The following UBN1 variants were observed in gnomAD, a reference collection of about 807,000 sequenced individuals.
The protein encoded by UBN1 is ubinuclein 1.
UBN1 carries 17 observed loss-of-function variants against 108.5 expected under a neutral mutation model. That is an observed-to-expected ratio of 0.16 (90% CI 0.11 to 0.24). The LOEUF (loss-of-function observed/expected upper bound fraction) is 0.24. Ranked by LOEUF, UBN1 falls within the 10% of genes least tolerant of loss-of-function variation. UBN1 has a pLI of 1.00. For synonymous variants in UBN1, 726 were observed against 564.2 expected, an observed-to-expected ratio of 1.29 and a Z score of -4.07; for missense variants, 1,595 against 1,394.4, an observed-to-expected ratio of 1.14 and a Z score of -2.29.
intron 4 of UBN1, 61 bp from the exon 5 acceptor site, chr16:4,858,964 C>G (rs2086930158): frequency 6.3e-7 from 1 of 1,589,066 alleles, no homozygotes; most frequent in African/African-American, 1.4e-5. Flanking sequence ...TCGAGACCCA[C>G]TTTGCACCTT....
Position 4,859,882 on chromosome 16 carries a change from A to C in UBN1, c.585A>C (p.Glu195Asp), listed in dbSNP as rs1221076855. Reference sequence around the variant, plus strand: ...ATTCTCAGAAGCGGAAGTTGAAGGAAGGTGGTGAGAAGATAAAGAAGAAGA... The same window carrying C: ...ATTCTCAGAAGCGGAAGTTGAAGGACGGTGGTGAGAAGATAAAGAAGAAGA... ...KKSPKKRKLK[E>D]GGEKIKKKKK... The change falls in exon 6 of 18, where the codon GAA (glutamate) becomes GAC (aspartate). Residue 195 changes from glutamate to aspartate, a missense_variant. Transcript: ENST00000262376. 2 of 1,614,100 alleles carry C rather than the reference A, an allele frequency of 1.2e-6. No homozygotes were observed. Among genetic ancestry groups the C allele is most frequent in the Non-Finnish European group, 1.7e-6 (2 of 1,179,972 alleles).
chr16:4,878,687 T>G (rs557130596), intron 17 of UBN1, among the ~76,000 whole-genome samples: 10 of 152,128 alleles, frequency 6.6e-5, no homozygotes, highest in Admixed American at 3.9e-4. Context: ...CTGCCTTTGC[T>G]TACTCTCAGG....
rs761631030 is a variant in UBN1 at position 4,861,070 on chromosome 16, C to G, written c.1078C>G (p.Pro360Ala). 6.2e-7 allele frequency: 1 copy of G among 1,613,676 alleles called. No individual in the cohort carries two copies. Among genetic ancestry groups the G allele is most frequent in the African/African-American group, 1.3e-5 (1 of 74,940 alleles). Residue 360 changes from proline (P) to alanine (A), a missense_variant, in exon 7 of 18, where the codon CCC (proline) becomes GCC (alanine). Around this residue, in one of 3 missense-constraint regions of UBN1, gnomAD observed 1,398 missense variants for 1,194.7 expected, o/e 1.17. Coordinates refer to ENST00000262376, the MANE Select transcript of UBN1 (RefSeq NM_001079514.3). Reference sequence around the variant, plus strand: ...TTCTCTCCCCGAAGGCCTGCCAGCACCCCTGGAGAAGCGCGTTAAGGAGCT... The same window carrying G: ...TTCTCTCCCCGAAGGCCTGCCAGCAGCCCTGGAGAAGCGCGTTAAGGAGCT... ...PSSLPEGLPA[P>A]LEKRVKELAQ...
rs1055169199 is a variant in UBN1 at position 4,871,321 on chromosome 16, A to G, written c.1706+20A>G. 6 of 1,611,744 alleles carry G rather than the reference A, an allele frequency of 3.7e-6. No homozygotes were observed. The highest frequency in any genetic ancestry group is 4.2e-6 in the Non-Finnish European group (5 of 1,179,330). ...GGCCAGGTGAGGGCCGTGTGCTGAG[A>G]TGGGCATCTGTGCAGTCAAGACACG... On this transcript the variant is annotated intron_variant, in intron 12 of 17. Transcript: ENST00000262376.
intron 2 of UBN1, 40 bp downstream of exon 2, chr16:4,853,206 C>T (rs531773557): frequency 1.9e-6 from 3 of 1,607,636 alleles, no homozygotes; most frequent in African/African-American, 2.7e-5. Flanking sequence ...AGGTTTAACG[C>T]ACAGGGGTCA....
rs746856151 is a variant in UBN1 at position 4,853,089 on chromosome 16, C to T, written c.172C>T (p.Arg58Cys). The change falls in exon 2 of 18, where the codon CGC (arginine) becomes TGC (cysteine). Residue 58 changes from arginine (R) to cysteine (C), a missense_variant. Transcript: ENST00000262376. ...TLTLFEPDHKRCPEFFYPELV... is the reference protein window; with the variant it reads ...TLTLFEPDHKCCPEFFYPELV... ...CACCCTCTTTGAACCAGATCACAAA[C>T]GCTGCCCAGAGTTCTTCTACCCAGA... is the stretch of plus-strand genomic sequence containing the variant. 53 of 1,614,234 alleles carry T rather than the reference C, an allele frequency of 3.3e-5. No homozygotes were observed. Among genetic ancestry groups the T allele is most frequent in the Middle Eastern group, 1.6e-4 (1 of 6,062 alleles).
At chr16:4,855,431 A>G (rs2086757629) in intron 2 of UBN1, among the ~76,000 whole-genome samples, 1 of 152,044 alleles carries the variant, frequency 6.6e-6, no homozygotes, top group Admixed American at 6.5e-5. Context: ...CCTGGGCAAC[A>G]TAGTGAAACT....
In UBN1 at chr16:4,870,545, G is replaced by A. The variant is rs1386553985; in HGVS notation, c.1341G>A (p.Lys447=). Residue 447 remains lysine, a synonymous_variant, in exon 10 of 18, where the codon AAG becomes AAA. Coordinates refer to ENST00000262376, the MANE Select transcript of UBN1 (RefSeq NM_001079514.3). ...GCCGTCTGAAGGAGCCTCTCCAGAAGCTCAAGGAAGCCATTGGCAGGGCGA... is the reference window on the plus strand; with the variant it reads ...GCCGTCTGAAGGAGCCTCTCCAGAAACTCAAGGAAGCCATTGGCAGGGCGA... ...QGGRLKEPLQ[K]LKEAIGRAMP... The A allele has an allele frequency of 1.9e-6, 3 of 1,614,138 alleles. No individual in the cohort carries two copies. The Admixed American group carries it at 5.0e-5, about 27-fold the overall frequency.
chr16:4,861,573 G>A (rs544636966), intron 7 of UBN1, among the ~76,000 whole-genome samples: 1 of 152,222 alleles, frequency 6.6e-6, no homozygotes, highest in Non-Finnish European at 1.5e-5. Context: ...CCAGTGTTAG[G>A]TAGTGATTAC....
In UBN1 at chr16:4,858,680, A is replaced by G; in HGVS notation, c.432+17A>G. ...TCTGAGGCGGTAAGTAGTTACTGAA[A>G]ATGCCGTGTCAGACCCACTGTACCT... On this transcript the variant is annotated intron_variant, in intron 4 of 17. Coordinates refer to ENST00000262376, the MANE Select transcript of UBN1 (RefSeq NM_001079514.3). 1 of 1,612,860 alleles carries G rather than the reference A, an allele frequency of 6.2e-7. No homozygotes were observed. Among genetic ancestry groups the G allele is most frequent in the Non-Finnish European group, 8.5e-7 (1 of 1,178,858 alleles).
chr16:4,876,562 C>T (rs1272575326), intron 15 of UBN1, among the ~76,000 whole-genome samples: 1 of 151,440 alleles, frequency 6.6e-6, no homozygotes, highest in Non-Finnish European at 1.5e-5. Context: ...GAGTCTGGCT[C>T]TGTCACCTAG....
At position 4,861,033 on chromosome 16, in the gene UBN1, C is replaced by G. The variant is rs1403196455; in HGVS notation, c.1041C>G (p.Phe347Leu). The change falls in exon 7 of 18, where the codon TTC becomes TTG. Residue 347 changes from phenylalanine (F) to leucine (L), a missense_variant. Coordinates refer to ENST00000262376, the MANE Select transcript of UBN1 (RefSeq NM_001079514.3). ...TTGGGGTGGGATTGGACCAGGAATT[C>G]AGGCAGCCCTCTTCTCTCCCCGAAG... ...DSLGVGLDQE[F>L]RQPSSLPEGL... 2.5e-6 allele frequency: 4 copies of G among 1,614,194 alleles called. No homozygotes were observed. In the Admixed American group the frequency reaches 5.0e-5, roughly 20 times the overall value.
chr16:4,852,627 G>A (rs2086611945), intron 1 of UBN1: 1 of 244,668 alleles, frequency 4.1e-6, no homozygotes, highest in African/African-American at 2.3e-5. Flanking sequence ...GTCAGCATGG[G>A]TTCTTTAAGG....
At position 4,860,858 on chromosome 16, in the gene UBN1, T is replaced by TGCTCTCA; in HGVS notation, c.867_873dup (p.Leu292AlafsTer9). 1 of 1,614,274 alleles carries TGCTCTCA rather than the reference T, an allele frequency of 6.2e-7. No individual in the cohort carries two copies. The highest frequency in any genetic ancestry group is 8.5e-7 in the Non-Finnish European group (1 of 1,180,050). ...GAACTGGAGGGTGCCTCTGACCCCT[T>TGCTCTCA]GCTCTCACTCTTTGGCTCTACTTCT... On this transcript the variant is annotated frameshift_variant, in exon 7 of 18. Coordinates refer to ENST00000262376, the MANE Select transcript of UBN1 (RefSeq NM_001079514.3). LOFTEE classifies it high-confidence loss of function.
rs369586898 is a variant in UBN1 at position 4,874,246 on chromosome 16, C to T, written c.1836C>T (p.Val612=). ...CGAAGCCTGATAAAAAGGTTTCTGT[C>T]CCATCAGGACAGATTGGTGGCCCCA... ...SSTKPDKKVS[V]PSGQIGGPIA... Residue 612 remains valine, a synonymous_variant, in exon 15 of 18, where the codon GTC becomes GTT. Transcript: ENST00000262376. 8.7e-5 allele frequency: 136 copies of T among 1,569,582 alleles called. No individual in the cohort carries two copies. The highest frequency in any genetic ancestry group is 1.1e-4 in the Non-Finnish European group (126 of 1,158,798).
At chr16:4,852,422 T>C (rs560530701) in intron 1 of UBN1, 2 of 156,506 alleles carry the variant, frequency 1.3e-5, no homozygotes, top group East Asian at 3.8e-4. Flanking sequence ...TATCCTGGGG[T>C]AGGCAATATC....
chr16:4,869,483 G>T (rs1244314681), intron 8 of UBN1, among the ~76,000 whole-genome samples: 1 of 152,242 alleles, frequency 6.6e-6, no homozygotes, highest in Non-Finnish European at 1.5e-5. Context: ...GGCCTGGCCT[G>T]CAGTGTTGCC....
chr16:4,862,775 A>T (rs1421494717), intron 7 of UBN1, among the ~76,000 whole-genome samples: 2 of 152,246 alleles, frequency 1.3e-5, no homozygotes, highest in Admixed American at 1.3e-4. Flanking sequence ...AGAATGACAT[A>T]ACCGGAAACA....
intron 2 of UBN1, among the ~76,000 whole-genome samples, chr16:4,856,646 G>A (rs938404974): frequency 6.6e-6 from 1 of 151,508 alleles, no homozygotes; most frequent in African/African-American, 2.5e-5. Context: ...TGGACCTTCC[G>A]TCATACAGTC....
Sources: gnomAD v4.1 joint callset for allele counts (sites outside exome capture counted in the v4.1 genomes callset) on GRCh38, gnomAD v4.1.1 for gene constraint, gnomAD v4.1.1 regional missense constraint, MANE v1.5 for transcripts, NCBI Gene and HGNC (gene_info 2026-07-23, HGNC 2026-07-21) for gene names.